Variants in EHBP1 observed in about 807,000 individuals in gnomAD.
EHBP1 encodes EH domain-binding protein 1.
In EHBP1, 55 loss-of-function variants were observed where a neutral mutation model predicts 144.0. The ratio of observed to expected loss-of-function variants is 0.38; its 90% CI spans 0.31 to 0.48. The LOEUF is 0.48. Ranked by LOEUF, EHBP1 falls within the 20% of genes least tolerant of loss-of-function variation. EHBP1 has a pLI of 0.98. For synonymous variants in EHBP1, 469 were observed against 472.7 expected, an observed-to-expected ratio of 0.99 and a Z score of 0.10; for missense variants, 1,200 against 1,364.2, an observed-to-expected ratio of 0.88 and a Z score of 1.90.
chr2:62,915,406 G>A (rs1411911575), intron 10 of EHBP1, among the ~76,000 whole-genome samples: 1 of 152,050 alleles, frequency 6.6e-6, no homozygotes, highest in African/African-American at 2.4e-5. Context: ...AGGAAAAATA[G>A]ACTTAATCTG....
At chr2:62,709,150 G>A (rs2034881127) in intron 2 of EHBP1, among the ~76,000 whole-genome samples, 1 of 152,118 alleles carries the variant, frequency 6.6e-6, no homozygotes, top group Non-Finnish European at 1.5e-5. Flanking sequence ...AATAAATAAG[G>A]GGAGACAAAA....
chr2:62,950,175 A>G (rs1406564517), intron 13 of EHBP1, among the ~76,000 whole-genome samples: 1 of 151,378 alleles, frequency 6.6e-6, no homozygotes, highest in Non-Finnish European at 1.5e-5. Context: ...CATCAAAAGC[A>G]TTGTTACAGT....
At chr2:62,956,789 A>G (rs967153996) in intron 14 of EHBP1, among the ~76,000 whole-genome samples, 2 of 152,096 alleles carry the variant, frequency 1.3e-5, no homozygotes, top group Non-Finnish European at 2.9e-5. Flanking sequence ...GATAGGACAC[A>G]GTGGTAGTGG....
intron 15 of EHBP1, among the ~76,000 whole-genome samples, chr2:62,981,431 A>C (rs1204643205): frequency 6.6e-6 from 1 of 152,210 alleles, no homozygotes; most frequent in Non-Finnish European, 1.5e-5. Flanking sequence ...AGGAGAACAA[A>C]TAATAATAGG....
chr2:62,849,798 G>A (rs2048553155), intron 7 of EHBP1, among the ~76,000 whole-genome samples: 1 of 152,138 alleles, frequency 6.6e-6, no homozygotes, highest in Non-Finnish European at 1.5e-5. Flanking sequence ...TAGTAGCACA[G>A]CTGTTGAATT....
chr2:62,784,592 C>T (rs1330976996), intron 5 of EHBP1, among the ~76,000 whole-genome samples: 1 of 152,090 alleles, frequency 6.6e-6, no homozygotes, highest in Non-Finnish European at 1.5e-5. Context: ...GGAGCAGTTG[C>T]CACATGAACT....
chr2:62,691,075 G>A (rs575848022), intron 1 of EHBP1, among the ~76,000 whole-genome samples: 1 of 152,218 alleles, frequency 6.6e-6, no homozygotes, highest in Non-Finnish European at 1.5e-5. Flanking sequence ...TTTTGAAAGA[G>A]TGAACTTGCC....
chr2:62,728,509 A>G (rs1006252365), intron 2 of EHBP1, among the ~76,000 whole-genome samples: 1 of 152,240 alleles, frequency 6.6e-6, no homozygotes, highest in African/African-American at 2.4e-5. Context: ...TTGAGCCACA[A>G]TATTTTCATA....
At chr2:62,878,688 T>G (rs778802374) in intron 10 of EHBP1, among the ~76,000 whole-genome samples, 4 of 152,092 alleles carry the variant, frequency 2.6e-5, no homozygotes, top group Non-Finnish European at 5.9e-5. Context: ...ATGTGATCCA[T>G]CACATAAACA....
chr2:62,859,789 A>G (rs2049359604), intron 8 of EHBP1, among the ~76,000 whole-genome samples: 1 of 152,354 alleles, frequency 6.6e-6, no homozygotes, highest in Middle Eastern at 3.4e-3. Flanking sequence ...TGTGAGGTAT[A>G]AAACCAGGGA....
rs1465386244 is a variant in EHBP1, at chr2:63,038,788, G to A, written c.3249G>A (p.Arg1083=). The A allele has an allele frequency of 1.2e-6, 2 of 1,613,348 alleles. No homozygotes were observed. Among genetic ancestry groups the A allele is most frequent in the African/African-American group, 1.3e-5 (1 of 74,900 alleles). ...AACGACGGTATGAGCTGCTGAACCG[G>A]GAATTGAGGGCAATGCTAGCCATTG... ...DLERRYELLN[R]ELRAMLAIED... is the part of the protein sequence containing the mutation. The change falls in exon 21 of 23, where the codon CGG becomes CGA. Residue 1083 remains arginine (R), a synonymous_variant. Transcript: ENST00000431489.
chr2:62,889,506 C>A (rs763412414), intron 10 of EHBP1, among the ~76,000 whole-genome samples: 2 of 151,970 alleles, frequency 1.3e-5, no homozygotes. Flanking sequence ...TGCCTAGGTT[C>A]TTTTCCAGGG....
At chr2:62,752,797 T>C (rs2039880461) in intron 3 of EHBP1, among the ~76,000 whole-genome samples, 1 of 149,950 alleles carries the variant, frequency 6.7e-6, no homozygotes, top group South Asian at 2.4e-4. Flanking sequence ...GTTTAAAGTG[T>C]GTTTTATCAG....
At chr2:62,946,203 G>A (rs1465227668) in intron 12 of EHBP1, among the ~76,000 whole-genome samples, 1 of 152,160 alleles carries the variant, frequency 6.6e-6, no homozygotes, top group Non-Finnish European at 1.5e-5. Context: ...AATGTGTAAA[G>A]AATATAGGGA....
At chr2:62,701,432 CAT>C (rs1382866712), upstream of EHBP1, among the ~76,000 whole-genome samples, 1 of 152,160 alleles carries the variant, frequency 6.6e-6, no homozygotes, top group Non-Finnish European at 1.5e-5. Flanking sequence ...TCAATAGTCA[CAT>C]GTGGTTAGAG....
At chr2:63,016,696 G>A (rs1389675303) in intron 19 of EHBP1, among the ~76,000 whole-genome samples, 1 of 152,122 alleles carries the variant, frequency 6.6e-6, no homozygotes, top group African/African-American at 2.4e-5. Flanking sequence ...CTCCCAAAGT[G>A]CTGGGATTAC....
intron 10 of EHBP1, among the ~76,000 whole-genome samples, chr2:62,885,527 A>G (rs1391327556): frequency 6.6e-6 from 1 of 152,216 alleles, no homozygotes; most frequent in Non-Finnish European, 1.5e-5. Flanking sequence ...ATATAAATTA[A>G]TGAATATGCA....
intron 10 of EHBP1, among the ~76,000 whole-genome samples, chr2:62,913,573 T>G (rs2054381020): frequency 6.6e-6 from 1 of 152,226 alleles, no homozygotes; most frequent in South Asian, 2.1e-4. Context: ...TACTTGTTAG[T>G]CATTTGGTGG....
At chr2:63,039,765 A>G (rs2061585173) in intron 21 of EHBP1, among the ~76,000 whole-genome samples, 1 of 152,118 alleles carries the variant, frequency 6.6e-6, no homozygotes, top group South Asian at 2.1e-4. Context: ...AGTGCATGCT[A>G]TTTGTCTGAA....
Sources: gnomAD v4.1 joint callset for allele counts (sites outside exome capture counted in the v4.1 genomes callset) on GRCh38, gnomAD v4.1.1 for gene constraint, MANE v1.5 for transcripts, NCBI Gene and HGNC (gene_info 2026-07-23, HGNC 2026-07-21) for gene names.